The following PTPRK variants were observed in gnomAD, a reference collection of about 807,000 sequenced individuals.
The protein encoded by PTPRK is protein tyrosine phosphatase receptor type K.
In PTPRK, 75 loss-of-function variants were observed where a neutral mutation model predicts 178.0. The ratio of observed to expected loss-of-function variants is 0.42; its 90% CI spans 0.35 to 0.51. The LOEUF is 0.51. Among genes scored for constraint, PTPRK ranks in the 20% least tolerant of loss-of-function variants. PTPRK has a pLI of 0.02. For missense variants in PTPRK, 1,441 were observed against 1,797.8 expected (o/e 0.80, Z 3.59); for synonymous variants, 637 against 620.6 (o/e 1.03, Z -0.39).
intron 12 of PTPRK, among the ~76,000 whole-genome samples, chr6:128,067,199 C>T (rs1008132280): frequency 2.0e-5 from 3 of 152,124 alleles, no homozygotes; most frequent in Non-Finnish European, 4.4e-5. Context: ...AATGCCTGAT[C>T]GTTACTGAGG....
chr6:128,256,588 C>T (rs1053272299), intron 3 of PTPRK, among the ~76,000 whole-genome samples: 1 of 151,878 alleles, frequency 6.6e-6, no homozygotes, highest in Non-Finnish European at 1.5e-5. Flanking sequence ...CAGTTGCATG[C>T]CACCACACCT....
intron 13 of PTPRK, among the ~76,000 whole-genome samples, chr6:128,038,873 T>C (rs1166490586): frequency 6.6e-6 from 1 of 152,218 alleles, no homozygotes. Flanking sequence ...ACAAGCAGTG[T>C]TATCATTAAC....
intron 1 of PTPRK, among the ~76,000 whole-genome samples, chr6:128,423,337 C>T (rs1362342016): frequency 6.6e-6 from 1 of 151,972 alleles, no homozygotes; most frequent in Non-Finnish European, 1.5e-5. Context: ...AAATTATATA[C>T]TGAATATGCT....
chr6:128,243,515 A>G (rs916334307), intron 3 of PTPRK, among the ~76,000 whole-genome samples: 1 of 146,484 alleles, frequency 6.8e-6, no homozygotes, highest in Non-Finnish European at 1.5e-5. Flanking sequence ...AAAAAAAAAG[A>G]AAAGAAAAGA....
At chr6:128,443,916 G>A (rs936115329) in intron 1 of PTPRK, among the ~76,000 whole-genome samples, 3 of 152,012 alleles carry the variant, frequency 2.0e-5, no homozygotes, top group Admixed American at 1.3e-4. Context: ...GCACTGGCAC[G>A]CTCTTGGCTC....
intron 3 of PTPRK, among the ~76,000 whole-genome samples, chr6:128,292,589 T>C (rs1050427629): frequency 6.6e-5 from 10 of 152,048 alleles, no homozygotes; most frequent in Admixed American, 3.9e-4. Flanking sequence ...AACATTTCTT[T>C]CACAACTCGG....
intron 2 of PTPRK, among the ~76,000 whole-genome samples, chr6:128,366,469 A>G (rs1343947629): frequency 2.0e-5 from 3 of 152,146 alleles, no homozygotes; most frequent in Non-Finnish European, 4.4e-5. Flanking sequence ...ACTAACAAAA[A>G]CATCTCCATT....
intron 2 of PTPRK, among the ~76,000 whole-genome samples, chr6:128,330,231 C>G (rs554536171): frequency 6.0e-4 from 91 of 152,226 alleles, no homozygotes; most frequent in Admixed American, 1.2e-3. Flanking sequence ...GGGTCTCAGC[C>G]CATCGGGGAT....
chr6:128,015,770 C>A lies in PTPRK; in HGVS notation c.2195-6502G>T, dbSNP rs994716486. Among the ~76,000 whole-genome samples, 45 of 151,506 alleles carry A rather than the reference C, an allele frequency of 3.0e-4. 1 individual carries two copies. Among genetic ancestry groups the A allele is most frequent in the Middle Eastern group, 3.2e-3 (1 of 314 alleles). On this transcript the variant is annotated intron_variant, in intron 13 of 29. Coordinates refer to ENST00000368226, the MANE Select transcript of PTPRK (RefSeq NM_002844.4). ...TTTTAGGAGTTGGCAAACTGTGGTC[C>A]CTGAGTTTTATCCATCCCATTTTGA... is the stretch of plus-strand genomic sequence containing the variant.
rs1178365356 is a variant in PTPRK at position 128,007,064 on chromosome 6, T to A, written c.2334-1820A>T. 2.7e-5 allele frequency among the ~76,000 whole-genome samples: 4 copies of A among 150,808 alleles called. No homozygotes were observed. In the Admixed American group the frequency reaches 2.7e-4, roughly 10 times the overall value. ...ATTATTTTTATTATAAATTTATATA[T>A]TAAAAGGGAAACATTTTATATTAAT... On this transcript the variant is annotated intron_variant, in intron 14 of 29. Transcript: ENST00000368226.
In PTPRK at chr6:128,457,732, A is replaced by T. The variant is rs75049843; in HGVS notation, c.101-60044T>A. On this transcript the variant is annotated intron_variant, in intron 1 of 29. Transcript: ENST00000368226. ...CAGATAATTTTTTCCTAAAAATGACAAGAGTTTGTTTACTTAGATAAAAAT... is the reference window on the plus strand; with the variant it reads ...CAGATAATTTTTTCCTAAAAATGACTAGAGTTTGTTTACTTAGATAAAAAT... 3.5e-3 allele frequency among the ~76,000 whole-genome samples: 528 copies of T among 152,220 alleles called. 2 individuals are homozygous for T. Among genetic ancestry groups the T allele is most frequent in the African/African-American group, 0.012 (507 of 41,524 alleles).
intron 17 of PTPRK, 38 bp from the exon 18 acceptor site, chr6:127,995,576 T>A: frequency 1.5e-6 from 2 of 1,294,664 alleles, no homozygotes; most frequent in Non-Finnish European, 2.1e-6. Flanking sequence ...CTGTTAAATT[T>A]TCCCCCTGTT....
At chr6:128,400,095 A>G (rs1840827784) in intron 1 of PTPRK, among the ~76,000 whole-genome samples, 2 of 152,206 alleles carry the variant, frequency 1.3e-5, no homozygotes, top group Non-Finnish European at 2.9e-5. Context: ...AGGAAATGCA[A>G]AAATAACTGG....
At chr6:128,145,679 A>C (rs7754591) in intron 7 of PTPRK, among the ~76,000 whole-genome samples, 85 of 149,042 alleles carry the variant, frequency 5.7e-4, no homozygotes, top group African/African-American at 2.1e-3. Context: ...ATCAAAAAAG[A>C]TTACTTACTA....
intron 1 of PTPRK, among the ~76,000 whole-genome samples, chr6:128,409,000 G>C (rs893119987): frequency 6.6e-6 from 1 of 152,130 alleles, no homozygotes; most frequent in Non-Finnish European, 1.5e-5. Context: ...ATCCAAATAT[G>C]TTACAGAGGT....
intron 13 of PTPRK, among the ~76,000 whole-genome samples, chr6:128,036,260 GCTATATTGT>G (rs752138542): frequency 5.3e-5 from 8 of 152,124 alleles, no homozygotes; most frequent in Non-Finnish European, 1.2e-4. Flanking sequence ...CTCCATTGTA[GCTATATTGT>G]CTTCATGGGA....
intron 7 of PTPRK, among the ~76,000 whole-genome samples, chr6:128,108,756 C>A (rs1257658809): frequency 6.6e-6 from 1 of 152,086 alleles, no homozygotes; most frequent in Non-Finnish European, 1.5e-5. Context: ...ATATATTTCT[C>A]ACAGTTCTGG....
chr6:128,067,631 G>A lies in PTPRK; in HGVS notation c.2045C>T (p.Pro682Leu), dbSNP rs1176884785. ...AELPPGNLPE[P>L]APFTVGDNRT... The stretch of plus-strand genomic sequence containing the variant: ...ATTGTCACCCACAGTGAACGGGGCA[G>A]GCTCAGGTAGGTTTCCCGGGGGGAG... The change falls in exon 12 of 30, where the codon CCT becomes CTT. Residue 682 changes from proline to leucine, a missense_variant. Around this residue, in one of 4 missense-constraint regions of PTPRK, gnomAD observed 945 missense variants for 1,080.6 expected, o/e 0.87. Coordinates refer to ENST00000368226, the MANE Select transcript of PTPRK (RefSeq NM_002844.4). 6.2e-7 allele frequency: 1 copy of A among 1,613,566 alleles called. No homozygotes were observed. Among genetic ancestry groups the A allele is most frequent in the African/African-American group, 1.3e-5 (1 of 74,898 alleles).
chr6:128,368,301 T>C (rs1835804111), intron 2 of PTPRK, among the ~76,000 whole-genome samples: 1 of 152,028 alleles, frequency 6.6e-6, no homozygotes, highest in Admixed American at 6.6e-5. Context: ...ACTTACTCTA[T>C]TTAAACAAAC....
Sources: gnomAD v4.1 joint callset for allele counts (sites outside exome capture counted in the v4.1 genomes callset) on GRCh38, gnomAD v4.1.1 for gene constraint, gnomAD v4.1.1 regional missense constraint, MANE v1.5 for transcripts, NCBI Gene and HGNC (gene_info 2026-07-23, HGNC 2026-07-21) for gene names.